The following VWA3B variants were observed in gnomAD, a reference collection of about 807,000 sequenced individuals.
VWA3B encodes von Willebrand factor A domain-containing protein 3B.
VWA3B carries 138 observed loss-of-function variants against 158.3 expected under a neutral mutation model. The ratio of observed to expected loss-of-function variants is 0.87; its 90% CI spans 0.76 to 1.00. VWA3B has a LOEUF of 1.00. VWA3B is among the 50% of genes least tolerant of loss of function. The pLI is 0.00. For missense variants in VWA3B, 1,555 were observed against 1,565.1 expected, an observed-to-expected ratio of 0.99 and a Z score of 0.11; for synonymous variants, 596 against 587.3, an observed-to-expected ratio of 1.01 and a Z score of -0.21.
chr2:98,216,338 G>A (rs140525212), intron 13 of VWA3B, among the ~76,000 whole-genome samples: 7 of 152,326 alleles, frequency 4.6e-5, no homozygotes, highest in African/African-American at 1.7e-4. Context: ...CTTTGGCTGC[G>A]GTCATTTTGG....
intron 7 of VWA3B, among the ~76,000 whole-genome samples, chr2:98,136,204 A>G (rs1028688336): frequency 6.6e-6 from 1 of 152,230 alleles, no homozygotes; most frequent in Non-Finnish European, 1.5e-5. Context: ...GTTAAGATAA[A>G]AAATGTTTTT....
chr2:98,206,494 A>C, intron 12 of VWA3B: 1 of 465,060 alleles, frequency 2.2e-6, no homozygotes, highest in Non-Finnish European at 4.2e-6. Flanking sequence ...TGAATGGTAC[A>C]GAAGGCTTGT....
In VWA3B at chr2:98,146,570, A is replaced by C. The variant is rs75640206; in HGVS notation, c.988+12631A>C. 2.0e-3 allele frequency among the ~76,000 whole-genome samples: 310 copies of C among 152,280 alleles called. 1 individual carries two copies. In the Middle Eastern group the frequency reaches 0.02, roughly 10 times the overall value. ...GGTTCTAGCATCCAGGTTGCCAACA[A>C]GGCTCACCTTTGACTGTGGGTGAGG... On this transcript the variant is annotated intron_variant, in intron 7 of 27. Transcript: ENST00000477737.
intron 21 of VWA3B, among the ~76,000 whole-genome samples, chr2:98,259,563 A>G (rs1319123970): frequency 6.6e-6 from 1 of 151,498 alleles, no homozygotes; most frequent in Non-Finnish European, 1.5e-5. Context: ...AATTATTTTT[A>G]TTTTTGTAAG....
chr2:98,178,942 G>A lies in VWA3B; in HGVS notation c.1115-2074G>A, dbSNP rs75654121. Among the ~76,000 whole-genome samples, 989 of 152,246 alleles carry A rather than the reference G, an allele frequency of 6.5e-3. 6 individuals carry two copies. Among genetic ancestry groups the A allele is most frequent in the African/African-American group, 0.022 (933 of 41,548 alleles). ...TGCCAGGAACCCCTTCTGCGTCTTC[G>A]TAGGGCTCCCGTGGTCCCAGTGGGG... is the stretch of plus-strand genomic sequence containing the variant. On this transcript the variant is annotated intron_variant, in intron 8 of 27. Coordinates refer to ENST00000477737, the MANE Select transcript of VWA3B (RefSeq NM_144992.5).
At chr2:98,310,213 G>T (rs1228843452) in intron 26 of VWA3B, among the ~76,000 whole-genome samples, 1 of 152,170 alleles carries the variant, frequency 6.6e-6, no homozygotes, top group East Asian at 1.9e-4. Flanking sequence ...CTTGCTGAGA[G>T]AGAGACACTT....
chr2:98,303,366 C>T (rs1465665334), intron 25 of VWA3B, among the ~76,000 whole-genome samples: 1 of 150,358 alleles, frequency 6.7e-6, no homozygotes, highest in Non-Finnish European at 1.5e-5. Context: ...GGGCAGTCAG[C>T]AAAAGTGGTG....
At chr2:98,126,726 C>G (rs1675393125) in intron 5 of VWA3B, among the ~76,000 whole-genome samples, 1 of 152,188 alleles carries the variant, frequency 6.6e-6, no homozygotes. Context: ...ACTGCTCGAT[C>G]AGTACTTTTT....
chr2:98,210,802 G>A (rs77560685), intron 12 of VWA3B, among the ~76,000 whole-genome samples: 4 of 152,050 alleles, frequency 2.6e-5, no homozygotes, highest in Admixed American at 1.3e-4. Flanking sequence ...GTCTGGCCTC[G>A]CTTTAGCTAG....
intron 13 of VWA3B, chr2:98,216,713 A>G: frequency 2.1e-6 from 1 of 472,674 alleles, no homozygotes; most frequent in South Asian, 1.5e-5. Context: ...AGCTCCTGGC[A>G]AATAAAATGT....
chr2:98,094,374 T>C (rs1222250340), intron 2 of VWA3B, among the ~76,000 whole-genome samples: 1 of 152,188 alleles, frequency 6.6e-6, no homozygotes, highest in East Asian at 1.9e-4. Flanking sequence ...TTGCATTTCC[T>C]TGACCATTAG....
intron 12 of VWA3B, chr2:98,207,710 C>G: frequency 2.5e-6 from 1 of 403,194 alleles, no homozygotes; most frequent in Non-Finnish European, 4.8e-6. Flanking sequence ...AGCTGATACG[C>G]TGGCTGAAGA....
At chr2:98,158,735 T>C (rs1678316496) in intron 7 of VWA3B, among the ~76,000 whole-genome samples, 1 of 149,940 alleles carries the variant, frequency 6.7e-6, no homozygotes, top group Non-Finnish European at 1.5e-5. Context: ...CAAGACTATG[T>C]CTTCAGTGAA....
intron 7 of VWA3B, among the ~76,000 whole-genome samples, chr2:98,151,707 T>C (rs1677649097): frequency 6.6e-6 from 1 of 152,236 alleles, no homozygotes; most frequent in Non-Finnish European, 1.5e-5. Flanking sequence ...TTGTGTGACC[T>C]TGGGCAAGTT....
At chr2:98,160,206 A>T (rs1469405502) in intron 7 of VWA3B, among the ~76,000 whole-genome samples, 1 of 152,098 alleles carries the variant, frequency 6.6e-6, no homozygotes, top group African/African-American at 2.4e-5. Flanking sequence ...CTTAAAAGTG[A>T]CCTTGATAAA....
chr2:98,198,503 G>T (rs1289201571), intron 12 of VWA3B, among the ~76,000 whole-genome samples: 2 of 151,816 alleles, frequency 1.3e-5, no homozygotes, highest in Non-Finnish European at 2.9e-5. Flanking sequence ...TTTCACCTTG[G>T]TTTCCTCCAC....
intron 19 of VWA3B, among the ~76,000 whole-genome samples, chr2:98,239,240 T>C (rs1685907751): frequency 6.6e-6 from 1 of 152,220 alleles, no homozygotes; most frequent in South Asian, 2.1e-4. Context: ...CTACAGCCTT[T>C]AGCCAACAAT....
chr2:98,227,950 A>G lies in VWA3B; in HGVS notation c.2020-252A>G, dbSNP rs76284574. Among the ~76,000 whole-genome samples, 291 of 152,362 alleles carry G rather than the reference A, an allele frequency of 1.9e-3. 4 individuals are homozygous for G. Among genetic ancestry groups the G allele is most frequent in the South Asian group, 3.9e-3 (19 of 4,828 alleles). The stretch of plus-strand genomic sequence containing the variant: ...CTAAAAATGGGATAATATAAGAACA[A>G]CATAAAATTCTTTAGATTCTTCTTT... On this transcript the variant is annotated intron_variant, in intron 14 of 27. Coordinates refer to ENST00000477737, the MANE Select transcript of VWA3B (RefSeq NM_144992.5).
At chr2:98,323,304 G>A in the VWA3B span, among the ~76,000 whole-genome samples, 1 of 152,060 alleles carries the variant, frequency 6.6e-6, no homozygotes, top group African/African-American at 2.4e-5. Flanking sequence ...ACACTAAATA[G>A]ACTGAGCAGC....
Sources: gnomAD v4.1 joint callset for allele counts (sites outside exome capture counted in the v4.1 genomes callset) on GRCh38, gnomAD v4.1.1 for gene constraint, MANE v1.5 for transcripts, NCBI Gene and HGNC (gene_info 2026-07-23, HGNC 2026-07-21) for gene names.